DMRT1: variants seen among roughly 807,000 people sequenced by gnomAD.
The protein encoded by DMRT1 is doublesex and mab-3 related transcription factor 1.
Under a neutral mutation model 32.3 loss-of-function variants are expected in DMRT1, and 7 were observed. The observed-to-expected ratio is 0.22, with a 90% CI of 0.12 to 0.41. DMRT1 has a LOEUF of 0.41. Among genes scored for constraint, DMRT1 ranks in the 10% least tolerant of loss-of-function variants. The pLI is 1.00. For synonymous variants in DMRT1, 278 were observed against 206.1 expected, an observed-to-expected ratio of 1.35 and a Z score of -2.99; for missense variants, 625 against 500.5, an observed-to-expected ratio of 1.25 and a Z score of -2.37.
At chr9:847,819 C>T (rs1190872211) in intron 2 of DMRT1, among the ~76,000 whole-genome samples, 2 of 152,176 alleles carry the variant, frequency 1.3e-5, no homozygotes, top group Admixed American at 6.5e-5. Flanking sequence ...AGCCCCTAGC[C>T]ACATGTGGCT....
At chr9:889,829 G>C (rs1024147343) in intron 2 of DMRT1, among the ~76,000 whole-genome samples, 4 of 152,146 alleles carry the variant, frequency 2.6e-5, no homozygotes, top group Admixed American at 6.5e-5. Context: ...GAGGTATTCA[G>C]TGTTTTTAAT....
At chr9:966,928 C>A (rs1437452074) in intron 4 of DMRT1, among the ~76,000 whole-genome samples, 1 of 152,194 alleles carries the variant, frequency 6.6e-6, no homozygotes, top group Non-Finnish European at 1.5e-5. Context: ...TTGATGAACA[C>A]AAGCTGAATT....
At chr9:934,317 T>G (rs981175217) in intron 4 of DMRT1, among the ~76,000 whole-genome samples, 2 of 152,204 alleles carry the variant, frequency 1.3e-5, no homozygotes, top group Admixed American at 1.3e-4. Context: ...TAATTTTTGA[T>G]GAAGCCCAGT....
rs566965893 is a variant in DMRT1, at chr9:937,518, G to A, written c.967+20611G>A. On this transcript the variant is annotated intron_variant, in intron 4 of 4. Coordinates refer to ENST00000382276, the MANE Select transcript of DMRT1 (RefSeq NM_021951.3). ...TCCTTCCCAACTCTTGTTGTTTTCCGTTTTTTTGATAATAGCCTTCCTAAT... is the reference window on the plus strand; with the variant it reads ...TCCTTCCCAACTCTTGTTGTTTTCCATTTTTTTGATAATAGCCTTCCTAAT... Among the ~76,000 whole-genome samples, 245 of 152,112 alleles carry A rather than the reference G, an allele frequency of 1.6e-3. 2 individuals are homozygous for A. Among genetic ancestry groups the A allele is most frequent in the Non-Finnish European group, 2.5e-3 (167 of 67,990 alleles).
chr9:948,048 A>G lies in DMRT1; in HGVS notation c.968-19937A>G, dbSNP rs559068275. Among the ~76,000 whole-genome samples, 3 of 152,252 alleles carry G rather than the reference A, an allele frequency of 2.0e-5. No individual in the cohort carries two copies. The South Asian group carries it at 6.2e-4, about 32-fold the overall frequency. On this transcript the variant is annotated intron_variant, in intron 4 of 4. Coordinates refer to ENST00000382276, the MANE Select transcript of DMRT1 (RefSeq NM_021951.3). ...TTTTCATTTTCTCCACCTTGACTTC[A>G]TGGAAGGTCACATGAGGTGGAATTG...
At chr9:934,364 T>A (rs990836011) in intron 4 of DMRT1, among the ~76,000 whole-genome samples, 1 of 152,172 alleles carries the variant, frequency 6.6e-6, no homozygotes, top group Non-Finnish European at 1.5e-5. Flanking sequence ...GTGCTTTTGG[T>A]GTCATATTTA....
At chr9:856,261 C>A (rs183970380) in intron 2 of DMRT1, among the ~76,000 whole-genome samples, 1 of 152,126 alleles carries the variant, frequency 6.6e-6, no homozygotes, top group African/African-American at 2.4e-5. Flanking sequence ...TGTAGTTTAA[C>A]GACTTAAGAT....
At chr9:885,410 G>A (rs571452972) in intron 2 of DMRT1, among the ~76,000 whole-genome samples, 2 of 152,276 alleles carry the variant, frequency 1.3e-5, no homozygotes, top group African/African-American at 4.8e-5. Flanking sequence ...TCAGCAGATA[G>A]GGGAGTCAGA....
intron 2 of DMRT1, among the ~76,000 whole-genome samples, chr9:891,395 G>C (rs1457180833): frequency 6.6e-6 from 1 of 151,962 alleles, no homozygotes; most frequent in East Asian, 1.9e-4. Context: ...AAGTTGCAGT[G>C]AGCCGAGATC....
intron 2 of DMRT1, among the ~76,000 whole-genome samples, chr9:855,425 A>G (rs1477890398): frequency 6.6e-6 from 1 of 152,200 alleles, no homozygotes; most frequent in Non-Finnish European, 1.5e-5. Context: ...CATTTTATCC[A>G]TTTCTGTATA....
At chr9:938,526 G>T (rs999330124) in intron 4 of DMRT1, among the ~76,000 whole-genome samples, 15 of 151,992 alleles carry the variant, frequency 9.9e-5, no homozygotes, top group African/African-American at 3.6e-4. Context: ...TATTTTTGAT[G>T]GTATTGTAAA....
intron 2 of DMRT1, among the ~76,000 whole-genome samples, chr9:869,952 G>A (rs1175946714): frequency 6.6e-6 from 1 of 152,108 alleles, no homozygotes; most frequent in African/African-American, 2.4e-5. Flanking sequence ...ACCCCTGCGC[G>A]TGTATATGGT....
At chr9:859,571 C>A (rs11788435) in intron 2 of DMRT1, among the ~76,000 whole-genome samples, 2 of 151,786 alleles carry the variant, frequency 1.3e-5, no homozygotes, top group Non-Finnish European at 2.9e-5. Flanking sequence ...TTCCAAATCA[C>A]AAAAAAATCC....
At chr9:963,445 TGGA>T (rs1819839492) in intron 4 of DMRT1, among the ~76,000 whole-genome samples, 1 of 152,132 alleles carries the variant, frequency 6.6e-6, no homozygotes, top group South Asian at 2.1e-4. Flanking sequence ...TTATAGTAAA[TGGA>T]GGAGATTACC....
chr9:922,906 A>C (rs1818401570), intron 4 of DMRT1, among the ~76,000 whole-genome samples: 2 of 152,180 alleles, frequency 1.3e-5, no homozygotes, highest in South Asian at 4.1e-4. Flanking sequence ...TCAGATGGCC[A>C]CCGTCAGTGA....
Position 841,703 on chromosome 9 carries a change from G to C in DMRT1, c.-136G>C, listed in dbSNP as rs988923146. ...GGCGTGCCCAGACCTCGCCACTCCA[G>C]CTGCGCCTCCGGCTGCAGCGCACAC... is the stretch of plus-strand genomic sequence containing the variant. On this transcript the variant is annotated 5_prime_UTR_variant, in exon 1 of 5. Coordinates refer to ENST00000382276, the MANE Select transcript of DMRT1 (RefSeq NM_021951.3). The C allele has an allele frequency of 6.5e-7, 1 of 1,531,744 alleles. No homozygotes were observed. The highest frequency in any genetic ancestry group is 8.8e-7 in the Non-Finnish European group (1 of 1,138,278). The allele number at this position is 1,531,744 out of a possible 1,614,324, so 94.9% of individuals were successfully genotyped here.
chr9:878,232 G>C (rs373865261), intron 2 of DMRT1, among the ~76,000 whole-genome samples: 3 of 111,994 alleles, frequency 2.7e-5, no homozygotes, highest in South Asian at 2.9e-4. Context: ...ATGTCTGCCT[G>C]TCTTAAGGTA....
At chr9:842,330 G>T in intron 1 of DMRT1, 138 bp downstream of exon 1, 1 of 1,153,396 alleles carries the variant, frequency 8.7e-7, no homozygotes, top group Non-Finnish European at 1.2e-6. Flanking sequence ...CGCTTCCCGG[G>T]TTCAAGCAAT....
intron 2 of DMRT1, among the ~76,000 whole-genome samples, chr9:886,912 C>A (rs538577827): frequency 6.6e-6 from 1 of 152,172 alleles, no homozygotes; most frequent in Non-Finnish European, 1.5e-5. Context: ...CTCTGTCAGT[C>A]TGGGCAAGGA....
Sources: gnomAD v4.1 joint callset for allele counts (sites outside exome capture counted in the v4.1 genomes callset) on GRCh38, gnomAD v4.1.1 for gene constraint, MANE v1.5 for transcripts, NCBI Gene and HGNC (gene_info 2026-07-23, HGNC 2026-07-21) for gene names.